CLASP1: variants seen among roughly 807,000 people sequenced by gnomAD.
CLASP1 encodes CLIP-associating protein 1.
CLASP1 carries 38 observed loss-of-function variants against 192.3 expected under a neutral mutation model. The observed-to-expected ratio is 0.20, with a 90% CI of 0.15 to 0.26. CLASP1 has a LOEUF of 0.26. Ranked by LOEUF, CLASP1 falls within the 10% of genes least tolerant of loss-of-function variation. The pLI, the probability that CLASP1 is intolerant of heterozygous loss-of-function variation, is 1.00. For synonymous variants in CLASP1, 691 were observed against 712.8 expected (o/e 0.97, Z 0.49); for missense variants, 1,433 against 1,932.5 (o/e 0.74, Z 4.85).
chr2:121,573,379 C>A (rs58669814), intron 2 of CLASP1, among the ~76,000 whole-genome samples: 1 of 152,180 alleles, frequency 6.6e-6, no homozygotes, highest in Non-Finnish European at 1.5e-5. Flanking sequence ...GTCTTTAGCA[C>A]GCCAAGAATG....
chr2:121,647,440 C>A (rs1426177619), intron 1 of CLASP1, among the ~76,000 whole-genome samples: 1 of 152,100 alleles, frequency 6.6e-6, no homozygotes, highest in African/African-American at 2.4e-5. Flanking sequence ...TGACAAACTT[C>A]ATGTTCTTCT....
intron 30 of CLASP1, 68 bp downstream of exon 31, chr2:121,397,072 C>G: frequency 6.5e-7 from 1 of 1,547,822 alleles, no homozygotes; most frequent in Non-Finnish European, 8.9e-7. Flanking sequence ...TTTCAAGTTT[C>G]TAAATACATT....
At chr2:121,521,458 A>T (rs1393137373) in intron 6 of CLASP1, among the ~76,000 whole-genome samples, 1 of 152,232 alleles carries the variant, frequency 6.6e-6, no homozygotes, top group East Asian at 1.9e-4. Context: ...GGCAATGCAC[A>T]CAGGCTGAGG....
chr2:121,432,863 C>T (rs989469418), intron 19 of CLASP1, among the ~76,000 whole-genome samples: 1 of 152,154 alleles, frequency 6.6e-6, no homozygotes, highest in Non-Finnish European at 1.5e-5. Flanking sequence ...AACTCATCAG[C>T]TTATTACCCT....
At chr2:121,467,396 C>T (rs1167234112) in intron 9 of CLASP1, among the ~76,000 whole-genome samples, 1 of 152,212 alleles carries the variant, frequency 6.6e-6, no homozygotes, top group Non-Finnish European at 1.5e-5. Context: ...CTGTCTTCCA[C>T]AGTGGTTGAA....
intron 8 of CLASP1, among the ~76,000 whole-genome samples, chr2:121,496,599 C>T (rs1559437683): frequency 6.6e-6 from 1 of 152,150 alleles, no homozygotes; most frequent in Non-Finnish European, 1.5e-5. Flanking sequence ...GTGAAACAAA[C>T]CAATCGCAGA....
chr2:121,407,585 C>T (rs749291442), exon 25 of CLASP1: 11 of 1,613,824 alleles, frequency 6.8e-6, no homozygotes, highest in Admixed American at 5.0e-5. Context: ...CTCAGTCTGC[C>T]GCAGATAATG....
At chr2:121,345,350 G>A (rs555746312) in intron 39 of CLASP1, among the ~76,000 whole-genome samples, 2 of 152,238 alleles carry the variant, frequency 1.3e-5, no homozygotes, top group East Asian at 1.9e-4. Flanking sequence ...AAATGGGGAG[G>A]AGAAAACACC....
chr2:121,427,516 C>T, intron 20 of CLASP1, 86 bp from the exon 21 acceptor site: 1 of 1,389,148 alleles, frequency 7.2e-7, no homozygotes, highest in Non-Finnish European at 1.0e-6. Context: ...TGCAACACAA[C>T]ACAAAGGTCT....
chr2:121,410,776 C>A, intron 24 of CLASP1, 90 bp downstream of exon 25: 1 of 678,502 alleles, frequency 1.5e-6, no homozygotes, highest in South Asian at 2.3e-5. Context: ...GAATTCATAA[C>A]CTGATTTGGG....
At chr2:121,637,928 T>C (rs888095209) in intron 1 of CLASP1, among the ~76,000 whole-genome samples, 3 of 150,196 alleles carry the variant, frequency 2.0e-5, no homozygotes, top group Non-Finnish European at 4.4e-5. Flanking sequence ...AAAAAAGGAA[T>C]CCTTCCTGTA....
intron 8 of CLASP1, among the ~76,000 whole-genome samples, chr2:121,495,682 T>C (rs1003390403): frequency 5.9e-5 from 9 of 152,126 alleles, no homozygotes; most frequent in African/African-American, 2.2e-4. Flanking sequence ...ATAAAAAATT[T>C]AAAAAGTAAA....
chr2:121,337,943 GC>G (rs34948157), exon 40 of CLASP1: 101,143 of 147,926 alleles, frequency 0.68, 35,865 homozygotes, highest in Middle Eastern at 0.81. Flanking sequence ...ACATGAAAAA[GC>G]CCCCCCCCCC....
chr2:121,407,894 A>T, intron 24 of CLASP1, 179 bp from the exon 26 acceptor site: 1 of 809,918 alleles, frequency 1.2e-6, no homozygotes. Flanking sequence ...GTTTTCCATT[A>T]GGTAAATAAG....
At chr2:121,585,725 C>T (rs971801560) in intron 2 of CLASP1, among the ~76,000 whole-genome samples, 8 of 152,004 alleles carry the variant, frequency 5.3e-5, no homozygotes, top group East Asian at 3.9e-4. Flanking sequence ...TGGTGAAACA[C>T]CATCTCTACT....
At chr2:121,365,037 G>C (rs1355918514) in intron 36 of CLASP1, 57 bp downstream of exon 37, 4 of 1,502,940 alleles carry the variant, frequency 2.7e-6, no homozygotes, top group Non-Finnish European at 2.8e-6. Context: ...ATAAGAAAAG[G>C]ACATCGTGAC....
rs559681680 is a variant in CLASP1 at position 121,458,425 on chromosome 2, C to T, written c.1314+415G>A. 6.6e-5 allele frequency among the ~76,000 whole-genome samples: 10 copies of T among 152,154 alleles called. No individual in the cohort carries two copies. In the South Asian group the frequency reaches 1.9e-3, roughly 28 times the overall value. On this transcript the variant is annotated intron_variant, in intron 13 of 39. Coordinates refer to ENST00000263710, the Ensembl canonical transcript of CLASP1. ...ACCAAAGAGAACATTTTGTTTCGTG[C>T]TTATGTGCAATTAATTAAACTTTTG...
At chr2:121,508,333 C>T (rs998220237) in intron 7 of CLASP1, among the ~76,000 whole-genome samples, 18 of 152,060 alleles carry the variant, frequency 1.2e-4, no homozygotes, top group Admixed American at 5.9e-4. Flanking sequence ...TAATTGCAAG[C>T]CCCAGAGCAA....
At chr2:121,554,446 A>G (rs570905939) in intron 2 of CLASP1, among the ~76,000 whole-genome samples, 1 of 126,950 alleles carries the variant, frequency 7.9e-6, no homozygotes, top group East Asian at 2.6e-4. Flanking sequence ...CCCTGCCTCT[A>G]CAAAAAGTAA....
Sources: gnomAD v4.1 joint callset for allele counts (sites outside exome capture counted in the v4.1 genomes callset) on GRCh38, gnomAD v4.1.1 for gene constraint, MANE v1.5 for transcripts, NCBI Gene and HGNC (gene_info 2026-07-23, HGNC 2026-07-21) for gene names.